The following PLEKHG1 variants were observed in gnomAD, a reference collection of about 807,000 sequenced individuals.
PLEKHG1 encodes pleckstrin homology and RhoGEF domain containing G1.
In PLEKHG1, 44 loss-of-function variants were observed where a neutral mutation model predicts 100.8. The ratio of observed to expected loss-of-function variants is 0.44; its 90% CI spans 0.34 to 0.56. The LOEUF (loss-of-function observed/expected upper bound fraction) is 0.56. Ranked by LOEUF, PLEKHG1 falls within the 20% of genes least tolerant of loss-of-function variation. The pLI is 0.01. For synonymous variants in PLEKHG1, 640 were observed against 662.5 expected (o/e 0.97, Z 0.52); for missense variants, 1,545 against 1,720.9 (o/e 0.90, Z 1.81).
intron 3 of PLEKHG1, among the ~76,000 whole-genome samples, chr6:150,681,833 A>G (rs1445803037): frequency 8.5e-5 from 13 of 152,080 alleles, no homozygotes; most frequent in Admixed American, 8.5e-4. Flanking sequence ...GCCGCTCCTC[A>G]ATTTCTTTTT....
At chr6:150,644,332 G>GGTTTTTTTTTTTTTTTT in intron 2 of PLEKHG1, among the ~76,000 whole-genome samples, 1 of 96,564 alleles carries the variant, frequency 1.0e-5, no homozygotes, top group African/African-American at 4.4e-5. Context: ...TTTTCTTTTC[G>GGTTTTTTTTTTTTTTTT]TGTTTTTTTT....
At chr6:150,619,542 T>G (rs1777208423) in intron 1 of PLEKHG1, among the ~76,000 whole-genome samples, 1 of 152,038 alleles carries the variant, frequency 6.6e-6, no homozygotes. Flanking sequence ...ATTAATTGAG[T>G]GTTGACTGCT....
chr6:150,836,884 A>G (rs938369668), intron 15 of PLEKHG1, among the ~76,000 whole-genome samples: 9 of 151,988 alleles, frequency 5.9e-5, no homozygotes, highest in Admixed American at 1.3e-4. Context: ...TAAAATGGCC[A>G]GGTGCAGTGA....
intron 3 of PLEKHG1, among the ~76,000 whole-genome samples, chr6:150,674,498 T>C (rs1483844396): frequency 6.6e-6 from 1 of 152,182 alleles, no homozygotes; most frequent in East Asian, 1.9e-4. Flanking sequence ...TCCACCTAAA[T>C]GAAGAGTAGA....
chr6:150,716,701 G>A (rs1781460429), upstream of PLEKHG1, among the ~76,000 whole-genome samples: 1 of 152,202 alleles, frequency 6.6e-6, no homozygotes, highest in South Asian at 2.1e-4. Flanking sequence ...AACCTGGATA[G>A]TTCCTTGGAA....
chr6:150,660,375 GA>G (rs1175121817), intron 3 of PLEKHG1, among the ~76,000 whole-genome samples: 1 of 152,138 alleles, frequency 6.6e-6, no homozygotes, highest in Admixed American at 6.5e-5. Context: ...CCCACTAAAT[GA>G]GGAAACATTC....
At chr6:150,750,237 A>C (rs1403191150) in intron 2 of PLEKHG1, among the ~76,000 whole-genome samples, 2 of 152,232 alleles carry the variant, frequency 1.3e-5, no homozygotes, top group East Asian at 1.9e-4. Flanking sequence ...CTATTACTTA[A>C]GCGACTAAAG....
Position 150,724,558 on chromosome 6 carries a change from CTTTTTTTTTT to C in PLEKHG1, c.-99+3368_-99+3377del, listed in dbSNP as rs34140367. On this transcript the variant is annotated intron_variant, in intron 1 of 15. Coordinates refer to ENST00000358517, the Ensembl canonical transcript of PLEKHG1. ...TTTCTTTCTTTTCTTTTTTCTTTTT[CTTTTTTTTTT>C]TTTTTTTTTGAGATGGAGTTTCAGT... is the stretch of plus-strand genomic sequence containing the variant. Among the ~76,000 whole-genome samples, 190 of 100,486 alleles carry C rather than the reference CTTTTTTTTTT, an allele frequency of 1.9e-3. 1 individual carries two copies. Among genetic ancestry groups the C allele is most frequent in the Non-Finnish European group, 2.5e-3 (124 of 49,528 alleles). The allele number at this position is 100,486 out of a possible 152,430, so 65.9% of individuals were successfully genotyped here. A position where few individuals can be genotyped will look rare whatever the true frequency, so the allele number is the denominator to read the frequency against.
At chr6:150,680,121 A>C (rs927177778) in intron 3 of PLEKHG1, among the ~76,000 whole-genome samples, 2 of 152,214 alleles carry the variant, frequency 1.3e-5, no homozygotes, top group African/African-American at 4.8e-5. Context: ...ATAGGGTGAC[A>C]TCAGGTCTGC....
chr6:150,641,167 G>A (rs1778242671), intron 2 of PLEKHG1, among the ~76,000 whole-genome samples: 1 of 152,042 alleles, frequency 6.6e-6, no homozygotes, highest in Admixed American at 6.6e-5. Context: ...ACAGAATCTG[G>A]AGAAATATTA....
rs144869298 is a variant in PLEKHG1, at chr6:150,724,624, A to G, written c.-99+3424A>G. On this transcript the variant is annotated intron_variant, in intron 1 of 15. Coordinates refer to ENST00000358517, the Ensembl canonical transcript of PLEKHG1. ...ACCCAGGCTGGAGTGAAGTGGTGTG[A>G]TCTCGGCTCACTGCAACCTCCACTC... Among the ~76,000 whole-genome samples, 659 of 123,504 alleles carry G rather than the reference A, an allele frequency of 5.3e-3. 3 individuals are homozygous for G. The highest frequency in any genetic ancestry group is 0.021 in the African/African-American group (642 of 31,204). The allele number at this position is 123,504 out of a possible 152,430, so 81.0% of individuals were successfully genotyped here.
intron 2 of PLEKHG1, among the ~76,000 whole-genome samples, chr6:150,643,553 T>C (rs113556943): frequency 6.6e-6 from 1 of 152,160 alleles, no homozygotes; most frequent in African/African-American, 2.4e-5. Flanking sequence ...AATATCTAGA[T>C]TGGGTGGGGA....
intron 3 of PLEKHG1, among the ~76,000 whole-genome samples, chr6:150,684,344 G>A (rs947812785): frequency 6.6e-6 from 1 of 152,226 alleles, no homozygotes; most frequent in African/African-American, 2.4e-5. Flanking sequence ...AACAAAGTGC[G>A]AGAAGTACTG....
At chr6:150,618,021 CAT>C (rs1277945832) in intron 1 of PLEKHG1, among the ~76,000 whole-genome samples, 2 of 152,188 alleles carry the variant, frequency 1.3e-5, no homozygotes, top group Non-Finnish European at 2.9e-5. Flanking sequence ...CATATACACA[CAT>C]ATACATATAA....
At chr6:150,669,312 T>TG (rs1471218343) in intron 3 of PLEKHG1, among the ~76,000 whole-genome samples, 1 of 152,044 alleles carries the variant, frequency 6.6e-6, no homozygotes, top group Non-Finnish European at 1.5e-5. Flanking sequence ...CCTGGATAGA[T>TG]GGGGGGTTGA....
At chr6:150,631,681 A>T (rs1420627836) in intron 1 of PLEKHG1, among the ~76,000 whole-genome samples, 2 of 152,148 alleles carry the variant, frequency 1.3e-5, no homozygotes, top group South Asian at 4.1e-4. Context: ...GCTACAGTGG[A>T]TTCGGGGGTT....
intron 5 of PLEKHG1, among the ~76,000 whole-genome samples, chr6:150,797,918 C>T (rs1786451178): frequency 7.3e-6 from 1 of 137,678 alleles, no homozygotes; most frequent in African/African-American, 2.7e-5. Flanking sequence ...CTGGCAAATA[C>T]TTTTCCTTGG....
intron 5 of PLEKHG1, among the ~76,000 whole-genome samples, chr6:150,799,356 C>A (rs1380881991): frequency 6.6e-6 from 1 of 152,164 alleles, no homozygotes; most frequent in Non-Finnish European, 1.5e-5. Flanking sequence ...TTGACAGTGT[C>A]CACTATCTTC....
At chr6:150,828,682 A>G (rs907176297) in intron 14 of PLEKHG1, among the ~76,000 whole-genome samples, 31 of 152,182 alleles carry the variant, frequency 2.0e-4, no homozygotes, top group African/African-American at 7.2e-4. Flanking sequence ...ACCTATGGGA[A>G]TTTTCTGGGA....
Sources: allele counts gnomAD v4.1 joint callset (sites outside exome capture counted in the v4.1 genomes callset), GRCh38; gene constraint gnomAD v4.1.1; transcripts MANE v1.5; gene names NCBI Gene and HGNC (gene_info 2026-07-23, HGNC 2026-07-21).